Variants in CBFA2T2 observed in about 807,000 individuals in gnomAD.
The protein encoded by CBFA2T2 is protein CBFA2T2.
CBFA2T2 carries 11 observed loss-of-function variants against 62.2 expected under a neutral mutation model. The observed-to-expected ratio is 0.18, with a 90% confidence interval of 0.11 to 0.29. CBFA2T2 has a LOEUF of 0.29. Ranked by LOEUF, CBFA2T2 falls within the 10% of genes least tolerant of loss-of-function variation. CBFA2T2 has a pLI of 1.00. For missense variants in CBFA2T2, 592 were observed against 774.1 expected (o/e 0.76, Z 2.79); for synonymous variants, 295 against 287.5 (o/e 1.03, Z -0.27).
intron 6 of CBFA2T2, among the ~76,000 whole-genome samples, chr20:33,625,796 C>T (rs1245226964): frequency 1.3e-5 from 2 of 152,018 alleles, no homozygotes; most frequent in Non-Finnish European, 1.5e-5. Context: ...ACAACAACAA[C>T]AAAAATTAAA....
At chr20:33,517,160 C>T (rs897471174) in intron 1 of CBFA2T2, among the ~76,000 whole-genome samples, 1 of 152,192 alleles carries the variant, frequency 6.6e-6, no homozygotes, top group Non-Finnish European at 1.5e-5. Context: ...TACCAATTAC[C>T]TGTGGTTATA....
Position 33,649,458 on chromosome 20 carries a change from GAGA to G in CBFA2T2, c.*4815_*4817del, listed in dbSNP as rs2017173731. ...GGTGACCTTTTCCATCGTGAGCTAA[GAGA>G]AGGTTAGGAGGCCTGAGGGGCGGGC... On this transcript the variant is annotated 3_prime_UTR_variant, in exon 11 of 11. Transcript: ENST00000342704. 1 of 152,658 alleles carries G rather than the reference GAGA, an allele frequency of 6.6e-6. No homozygotes were observed. Among genetic ancestry groups the G allele is most frequent in the Non-Finnish European group, 1.5e-5 (1 of 68,056 alleles). The allele number at this position is 152,658 out of a possible 1,614,324, so 9.5% of individuals were successfully genotyped here.
At chr20:33,550,286 A>G (rs1265628238) in intron 1 of CBFA2T2, among the ~76,000 whole-genome samples, 1 of 152,106 alleles carries the variant, frequency 6.6e-6, no homozygotes, top group Non-Finnish European at 1.5e-5. Context: ...TTTTGTCAAA[A>G]TCCTCCCATT....
intron 9 of CBFA2T2, among the ~76,000 whole-genome samples, chr20:33,637,911 C>T (rs1438191024): frequency 3.3e-5 from 5 of 150,778 alleles, no homozygotes; most frequent in African/African-American, 9.8e-5. Context: ...AGGTGATCTG[C>T]CTGCCTTGGC....
chr20:33,598,036 A>G (rs900516566), intron 1 of CBFA2T2, among the ~76,000 whole-genome samples: 4 of 152,162 alleles, frequency 2.6e-5, no homozygotes, highest in Admixed American at 6.5e-5. Flanking sequence ...GAGTTTCAAA[A>G]GGGGAGGGAG....
chr20:33,585,471 A>G (rs1169327349), intron 1 of CBFA2T2, among the ~76,000 whole-genome samples: 1 of 152,098 alleles, frequency 6.6e-6, no homozygotes, highest in Non-Finnish European at 1.5e-5. Flanking sequence ...TGAATGAATG[A>G]TCCTTCATAA....
At chr20:33,495,160 G>A (rs1051058218) in intron 1 of CBFA2T2, among the ~76,000 whole-genome samples, 1 of 152,000 alleles carries the variant, frequency 6.6e-6, no homozygotes, top group African/African-American at 2.4e-5. Context: ...CATTTGGAAG[G>A]TCGAGGTGGG....
chr20:33,501,664 G>A (rs1168079038), intron 1 of CBFA2T2, among the ~76,000 whole-genome samples: 1 of 59,670 alleles, frequency 1.7e-5, no homozygotes, highest in Non-Finnish European at 3.3e-5. Flanking sequence ...TTTTTGAGAG[G>A]GAGTCTCACT....
intron 1 of CBFA2T2, among the ~76,000 whole-genome samples, chr20:33,490,854 T>G (rs2011141704): frequency 6.6e-6 from 1 of 152,176 alleles, no homozygotes; most frequent in Non-Finnish European, 1.5e-5. Flanking sequence ...CCAGGGTTCT[T>G]GGGTTTTGTG....
Position 33,629,907 on chromosome 20 carries a change from C to T in CBFA2T2, c.1221C>T (p.Leu407=). ...ACAGCCCTGGGAGTGCAGATTCTCT[C>T]AGCAATGGTAAGGGGAGAGTCTACG... ...RQHSPGSADS[L]SNDSQREFNS... is the part of the protein sequence containing the mutation. Residue 407 remains leucine, a synonymous_variant, in exon 8 of 11, where the codon CTC becomes CTT. Coordinates refer to ENST00000342704, the MANE Select transcript of CBFA2T2 (RefSeq NM_001032999.3). 1 of 1,611,872 alleles carries T rather than the reference C, an allele frequency of 6.2e-7. No individual in the cohort carries two copies. The highest frequency in any genetic ancestry group is 8.5e-7 in the Non-Finnish European group (1 of 1,179,210).
At chr20:33,497,471 A>T (rs1425382758) in intron 1 of CBFA2T2, among the ~76,000 whole-genome samples, 1 of 151,358 alleles carries the variant, frequency 6.6e-6, no homozygotes, top group Non-Finnish European at 1.5e-5. Context: ...TCCATTATTA[A>T]ACCCTCCTTG....
intron 1 of CBFA2T2, among the ~76,000 whole-genome samples, chr20:33,579,110 T>G (rs1374965717): frequency 9.4e-5 from 14 of 148,342 alleles, no homozygotes; most frequent in Admixed American, 4.7e-4. Flanking sequence ...TGGGGGTTTT[T>G]TTTTGTTTTT....
chr20:33,581,691 T>C (rs2014122176), intron 1 of CBFA2T2, among the ~76,000 whole-genome samples: 1 of 152,208 alleles, frequency 6.6e-6, no homozygotes, highest in Non-Finnish European at 1.5e-5. Flanking sequence ...TTTAACCACA[T>C]GTGATTGGTA....
intron 1 of CBFA2T2, among the ~76,000 whole-genome samples, chr20:33,505,141 C>T (rs1440753345): frequency 4.6e-5 from 7 of 152,096 alleles, no homozygotes; most frequent in East Asian, 1.9e-4. Context: ...CACTGTCACA[C>T]GGCTAGAATG....
chr20:33,598,400 T>C (rs2014980048), intron 1 of CBFA2T2, among the ~76,000 whole-genome samples: 1 of 152,170 alleles, frequency 6.6e-6, no homozygotes, highest in Non-Finnish European at 1.5e-5. Context: ...TTCCCAGGGA[T>C]GTTCCATGCT....
At chr20:33,621,083 T>C (rs2015943280) in intron 4 of CBFA2T2, among the ~76,000 whole-genome samples, 2 of 152,150 alleles carry the variant, frequency 1.3e-5, no homozygotes, top group Non-Finnish European at 2.9e-5. Context: ...CTCAGCTCTT[T>C]GTGATCTTGA....
chr20:33,602,261 A>G (rs2015168211), intron 1 of CBFA2T2, among the ~76,000 whole-genome samples: 1 of 152,014 alleles, frequency 6.6e-6, no homozygotes, highest in African/African-American at 2.4e-5. Context: ...ACTGTCACAC[A>G]ACTAGGGAGT....
chr20:33,554,433 G>GA (rs1298961808), intron 1 of CBFA2T2, among the ~76,000 whole-genome samples: 1 of 151,410 alleles, frequency 6.6e-6, no homozygotes. Flanking sequence ...ATTTTTAGTA[G>GA]AGACGGGGTT....
chr20:33,498,010 C>G (rs1429445651), intron 1 of CBFA2T2, among the ~76,000 whole-genome samples: 1 of 152,060 alleles, frequency 6.6e-6, no homozygotes, highest in East Asian at 1.9e-4. Context: ...TAAGTTTATC[C>G]TAGTTTGGAA....
Sources: gnomAD v4.1 joint callset for allele counts (sites outside exome capture counted in the v4.1 genomes callset) on GRCh38, gnomAD v4.1.1 for gene constraint, MANE v1.5 for transcripts, NCBI Gene and HGNC (gene_info 2026-07-23, HGNC 2026-07-21) for gene names.